The following WDR64 variants were observed in gnomAD, a reference collection of about 807,000 sequenced individuals.
WDR64 encodes WD repeat-containing protein 64.
WDR64 carries 112 observed loss-of-function variants against 139.3 expected under a neutral mutation model. The observed-to-expected ratio is 0.80, with a 90% CI of 0.69 to 0.94. The LOEUF (loss-of-function observed/expected upper bound fraction) is 0.94, where lower values mean the gene tolerates loss of function less well. WDR64 is among the 40% of genes least tolerant of loss of function. WDR64 has a pLI of 0.00. For synonymous variants in WDR64, 444 were observed against 437.7 expected (o/e 1.01, Z -0.18); for missense variants, 1,206 against 1,293.1 (o/e 0.93, Z 1.03).
chr1:241,725,479 C>T (rs1268357362), intron 10 of WDR64, among the ~76,000 whole-genome samples: 1 of 151,774 alleles, frequency 6.6e-6, no homozygotes, highest in East Asian at 1.9e-4. Flanking sequence ...CAAAACCCTT[C>T]GATGGAAGCA....
At chr1:241,749,414 C>T (rs972063543) in intron 13 of WDR64, 133 bp from the exon 14 acceptor site, 17 of 983,288 alleles carry the variant, frequency 1.7e-5, no homozygotes, top group Non-Finnish European at 1.5e-5. Flanking sequence ...AAGACTCACC[C>T]ATCTGAGTAG....
intron 23 of WDR64, among the ~76,000 whole-genome samples, chr1:241,784,953 G>GC (rs766802128): frequency 1.6e-5 from 1 of 62,250 alleles, no homozygotes; most frequent in African/African-American, 5.4e-5. Context: ...GACTCTGTCT[G>GC]AAAAAAAAAA....
intron 8 of WDR64, among the ~76,000 whole-genome samples, chr1:241,697,865 G>A (rs61825797): frequency 6.6e-6 from 1 of 152,010 alleles, no homozygotes; most frequent in African/African-American, 2.4e-5. Flanking sequence ...GAAACTATTC[G>A]CCTGGTTTCT....
intron 23 of WDR64, among the ~76,000 whole-genome samples, chr1:241,783,905 T>A (rs1444259023): frequency 6.6e-6 from 1 of 152,198 alleles, no homozygotes; most frequent in Admixed American, 6.6e-5. Context: ...AAAGGAAATG[T>A]CATGGCATTT....
chr1:241,704,355 T>C (rs1297806787), intron 8 of WDR64, among the ~76,000 whole-genome samples: 1 of 152,246 alleles, frequency 6.6e-6, no homozygotes, highest in African/African-American at 2.4e-5. Flanking sequence ...TGCTGGTTAA[T>C]ATTATCATGA....
rs149018488 is a variant in WDR64, at chr1:241,684,347, C to T, written c.839+646C>T. 3.0e-4 allele frequency among the ~76,000 whole-genome samples: 45 copies of T among 152,286 alleles called. No homozygotes were observed. In the East Asian group the frequency reaches 8.7e-3, roughly 29 times the overall value. Reference sequence around the variant, plus strand: ...GCACACAGTACAAATGGTCAACAAACATTTCAAAGTGATCATCAGAAAAAA... The same window carrying T: ...GCACACAGTACAAATGGTCAACAAATATTTCAAAGTGATCATCAGAAAAAA... On this transcript the variant is annotated intron_variant, in intron 7 of 27. Coordinates refer to ENST00000437684, the MANE Select transcript of WDR64 (RefSeq NM_001367482.1).
In WDR64 at chr1:241,802,002, T is replaced by C; in HGVS notation, c.*787T>C. 2.5e-6 allele frequency: 1 copy of C among 397,286 alleles called. No homozygotes were observed. The highest frequency in any genetic ancestry group is 4.4e-6 in the Non-Finnish European group (1 of 225,588). The allele number at this position is 397,286 out of a possible 1,614,324, so 24.6% of individuals were successfully genotyped here. ...CACCAAACTCTTAAAGATAAAAGAA[T>C]GAAAAAAGATGTATGATGCAAAAAC... On this transcript the variant is annotated 3_prime_UTR_variant, in exon 28 of 28. Coordinates refer to ENST00000437684, the MANE Select transcript of WDR64 (RefSeq NM_001367482.1).
At chr1:241,694,041 G>T (rs1667397573) in intron 8 of WDR64, among the ~76,000 whole-genome samples, 1 of 151,930 alleles carries the variant, frequency 6.6e-6, no homozygotes, top group Non-Finnish European at 1.5e-5. Flanking sequence ...ATGGTGAGTA[G>T]CCTGTCCCCC....
At chr1:241,796,220 T>C in intron 26 of WDR64, 37 bp from the exon 27 acceptor site, 1 of 1,496,684 alleles carries the variant, frequency 6.7e-7, no homozygotes, top group Admixed American at 1.7e-5. Context: ...AAGTAATCAC[T>C]TTGAGTGTGT....
At chr1:241,670,393 GAC>G (rs1666180810) in intron 2 of WDR64, among the ~76,000 whole-genome samples, 1 of 152,160 alleles carries the variant, frequency 6.6e-6, no homozygotes. Flanking sequence ...AAATGGGTAA[GAC>G]AGTCATTTGA....
chr1:241,710,230 A>G (rs1668106831), intron 8 of WDR64, among the ~76,000 whole-genome samples: 1 of 151,634 alleles, frequency 6.6e-6, no homozygotes, highest in Non-Finnish European at 1.5e-5. Flanking sequence ...TTTTCCAATA[A>G]CCCTGTTTCT....
chr1:241,779,816 C>T (rs1282699915), intron 21 of WDR64, among the ~76,000 whole-genome samples, 188 bp from the exon 22 acceptor site: 2 of 151,922 alleles, frequency 1.3e-5, no homozygotes, highest in Non-Finnish European at 2.9e-5. Flanking sequence ...GGCTACAAAG[C>T]GAGACTCCAT....
chr1:241,696,190 T>A (rs191532470), intron 8 of WDR64, among the ~76,000 whole-genome samples: 10 of 146,690 alleles, frequency 6.8e-5, no homozygotes, highest in African/African-American at 2.3e-4. Flanking sequence ...AGCACCTGGA[T>A]TTTTTTCTTT....
At chr1:241,771,935 TAC>T (rs1229314898) in intron 19 of WDR64, among the ~76,000 whole-genome samples, 12 of 22,360 alleles carry the variant, frequency 5.4e-4, no homozygotes, top group African/African-American at 1.4e-3. Context: ...TACATATACA[TAC>T]ATACATACAT....
chr1:241,747,813 C>T lies in WDR64; in HGVS notation c.1595-1734C>T, dbSNP rs371111661. Among the ~76,000 whole-genome samples the T allele has an allele frequency of 1.1e-4, 17 of 152,234 alleles. No homozygotes were observed. The South Asian group carries it at 3.1e-3, about 28-fold the overall frequency. On this transcript the variant is annotated intron_variant, in intron 13 of 27. Coordinates refer to ENST00000437684, the MANE Select transcript of WDR64 (RefSeq NM_001367482.1). ...TTCCTGGGAAAGACAGGCACTTCCG[C>T]GGAAGGCAGGACACAATTACTGTCT...
In WDR64 at chr1:241,766,335, TCTA is replaced by T. The variant is rs1470238823; in HGVS notation, c.2068_2070del (p.Thr690del). 7 of 1,613,818 alleles carry T rather than the reference TCTA, an allele frequency of 4.3e-6. No homozygotes were observed. The highest frequency in any genetic ancestry group is 5.9e-6 in the Non-Finnish European group (7 of 1,179,934). On this transcript the variant is annotated inframe_deletion, in exon 16 of 28. Coordinates refer to ENST00000437684, the MANE Select transcript of WDR64 (RefSeq NM_001367482.1). ...GATCATCTTATGGAATTTTGTGACG[TCTA>T]CTGTCAAAAAAGTGTAAGTTGTGTA...
intron 12 of WDR64, among the ~76,000 whole-genome samples, chr1:241,743,667 A>C (rs142326925): frequency 6.6e-6 from 1 of 152,192 alleles, no homozygotes; most frequent in Non-Finnish European, 1.5e-5. Flanking sequence ...TGCAATTTAC[A>C]TCTGAACATG....
chr1:241,683,739 A>C (rs1052451410), intron 7 of WDR64, 38 bp downstream of exon 7: 12 of 1,418,454 alleles, frequency 8.5e-6, no homozygotes, highest in Non-Finnish European at 1.0e-5. Flanking sequence ...TCTTTTAATA[A>C]TTATAGTCTT....
chr1:241,716,968 T>C (rs1276218108), intron 9 of WDR64, among the ~76,000 whole-genome samples: 1 of 152,202 alleles, frequency 6.6e-6, no homozygotes, highest in Non-Finnish European at 1.5e-5. Flanking sequence ...TCATAGATTT[T>C]CTTCTGGGGA....
Sources: gnomAD v4.1 joint callset for allele counts (sites outside exome capture counted in the v4.1 genomes callset) on GRCh38, gnomAD v4.1.1 for gene constraint, MANE v1.5 for transcripts, NCBI Gene and HGNC (gene_info 2026-07-23, HGNC 2026-07-21) for gene names.